Variants in CTNNA3 observed in about 807,000 individuals in gnomAD.
The protein encoded by CTNNA3 is catenin alpha-3.
In CTNNA3, 76 loss-of-function variants were observed where a neutral mutation model predicts 95.7. The ratio of observed to expected loss-of-function variants is 0.79; its 90% CI spans 0.66 to 0.96. The LOEUF (loss-of-function observed/expected upper bound fraction) is 0.96. Among genes scored for constraint, CTNNA3 ranks in the 40% least tolerant of loss-of-function variants. CTNNA3 has a pLI of 0.00. For missense variants in CTNNA3, 1,191 were observed against 1,089.8 expected (o/e 1.09, Z -1.31); for synonymous variants, 431 against 374.4 (o/e 1.15, Z -1.74).
At chr10:66,374,609 T>TTTC (rs1421381481) in intron 12 of CTNNA3, among the ~76,000 whole-genome samples, 5 of 80,462 alleles carry the variant, frequency 6.2e-5, no homozygotes, top group African/African-American at 2.7e-4. Flanking sequence ...GAAAAGCCTT[T>TTTC]TTTTTTTTTT....
At chr10:66,819,106 A>T (rs12251246) in intron 7 of CTNNA3, among the ~76,000 whole-genome samples, 35,474 of 150,400 alleles carry the variant, frequency 0.24, 4,780 homozygotes, top group Non-Finnish European at 0.31. Context: ...AAAAAAAAAA[A>T]AAAAAAAAAG....
At chr10:67,386,801 C>A (rs1280601805) in intron 5 of CTNNA3, among the ~76,000 whole-genome samples, 1 of 152,128 alleles carries the variant, frequency 6.6e-6, no homozygotes, top group African/African-American at 2.4e-5. Flanking sequence ...GATTACATGA[C>A]TGATAATTAC....
chr10:66,828,647 A>G (rs759729844), intron 7 of CTNNA3, among the ~76,000 whole-genome samples: 8 of 152,208 alleles, frequency 5.3e-5, no homozygotes, highest in Non-Finnish European at 1.0e-4. Context: ...GCAAATAAAG[A>G]TACACTTATT....
At chr10:66,998,549 T>A (rs1320037027) in intron 7 of CTNNA3, among the ~76,000 whole-genome samples, 4 of 151,632 alleles carry the variant, frequency 2.6e-5, no homozygotes, top group African/African-American at 9.7e-5. Flanking sequence ...AATAAAAAGA[T>A]GAAGAATGAC....
chr10:66,579,680 A>G lies in CTNNA3; in HGVS notation c.1374+42012T>C, dbSNP rs1843119695. ...AATGTAGGTCTGCTGGTGTCAAATT[A>G]TTTTATTGTTCCTTCATCTCCGAGA... On this transcript the variant is annotated intron_variant, in intron 10 of 17. Transcript: ENST00000433211. Among the ~76,000 whole-genome samples the G allele has an allele frequency of 3.3e-5, 5 of 151,848 alleles. No individual in the cohort carries two copies. In the South Asian group the frequency reaches 1.0e-3, roughly 32 times the overall value.
chr10:66,386,950 A>C (rs2132515781), intron 11 of CTNNA3, among the ~76,000 whole-genome samples: 2 of 152,318 alleles, frequency 1.3e-5, no homozygotes, highest in East Asian at 3.9e-4. Flanking sequence ...TTAATTCAAG[A>C]TGGATTAAAG....
intron 5 of CTNNA3, among the ~76,000 whole-genome samples, chr10:67,228,912 C>A (rs1378737865): frequency 6.6e-6 from 1 of 152,094 alleles, no homozygotes; most frequent in African/African-American, 2.4e-5. Context: ...AGTACCAACC[C>A]TTTTGACACT....
At chr10:67,222,064 T>A (rs1756100817) in intron 5 of CTNNA3, among the ~76,000 whole-genome samples, 1 of 152,160 alleles carries the variant, frequency 6.6e-6, no homozygotes, top group Admixed American at 6.5e-5. Context: ...TTGCTAACCT[T>A]ATGCCTTTTC....
intron 5 of CTNNA3, among the ~76,000 whole-genome samples, chr10:67,428,645 C>G (rs909382324): frequency 6.6e-6 from 1 of 151,994 alleles, no homozygotes; most frequent in African/African-American, 2.4e-5. Flanking sequence ...GATTATTAAT[C>G]CTGGATTTGT....
intron 11 of CTNNA3, among the ~76,000 whole-genome samples, chr10:66,432,662 G>GAAA (rs11424847): frequency 1.3e-3 from 154 of 120,424 alleles, no homozygotes; most frequent in African/African-American, 4.2e-3. Flanking sequence ...CCATCTCACA[G>GAAA]AAAAAAAAAA....
intron 11 of CTNNA3, among the ~76,000 whole-genome samples, chr10:66,439,363 A>T (rs1367109045): frequency 1.3e-5 from 2 of 152,152 alleles, no homozygotes; most frequent in Non-Finnish European, 2.9e-5. Flanking sequence ...TGAAGAACAC[A>T]CATTAAAAAA....
chr10:66,978,552 A>AAAATATATAT, intron 7 of CTNNA3, among the ~76,000 whole-genome samples: 7 of 37,886 alleles, frequency 1.8e-4, no homozygotes, highest in Middle Eastern at 0.02. Context: ...AAAAAAAAAA[A>AAAATATATAT]ATATATATAT....
intron 13 of CTNNA3, among the ~76,000 whole-genome samples, chr10:66,274,623 A>C (rs2091352960): frequency 6.6e-6 from 1 of 152,186 alleles, no homozygotes; most frequent in Non-Finnish European, 1.5e-5. Flanking sequence ...ATTTAAAATT[A>C]GCTATTTTCT....
At chr10:66,227,398 A>G (rs539480552) in intron 13 of CTNNA3, among the ~76,000 whole-genome samples, 60 of 150,276 alleles carry the variant, frequency 4.0e-4, no homozygotes, top group African/African-American at 1.3e-3. Flanking sequence ...TCATGAGGTA[A>G]TGTTGAATTT....
At position 67,729,053 on chromosome 10, in the gene CTNNA3, A is replaced by AT. The variant is rs561975065; in HGVS notation, c.-2+34380dup. ...AAAGCAGGAATTTGAAGGCAGTCTA[A>AT]TTTTTTAAATTACACTTTTAATTTT... On this transcript the variant is annotated intron_variant, in intron 1 of 17. Transcript: ENST00000684154. 9.6e-3 allele frequency among the ~76,000 whole-genome samples: 1,467 copies of AT among 152,250 alleles called. 27 individuals are homozygous for AT. Among genetic ancestry groups the AT allele is most frequent in the African/African-American group, 0.034 (1,395 of 41,548 alleles).
intron 7 of CTNNA3, among the ~76,000 whole-genome samples, chr10:67,042,269 G>C (rs952253648): frequency 1.3e-5 from 2 of 152,106 alleles, no homozygotes; most frequent in Non-Finnish European, 2.9e-5. Context: ...GCATCTCTGT[G>C]ATAGAGAATC....
At chr10:66,846,176 C>A (rs985662701) in intron 7 of CTNNA3, among the ~76,000 whole-genome samples, 2 of 140,224 alleles carry the variant, frequency 1.4e-5, no homozygotes, top group African/African-American at 2.6e-5. Flanking sequence ...ATGAACCTGG[C>A]GGACATTATG....
chr10:66,177,184 CTGACCTCTTTATTT>C (rs1432235838), intron 13 of CTNNA3, among the ~76,000 whole-genome samples: 1 of 151,932 alleles, frequency 6.6e-6, no homozygotes, highest in Non-Finnish European at 1.5e-5. Context: ...TAAGCTTTTC[CTGACCTCTTTATTT>C]TCACTGAAAT....
chr10:67,701,915 A>G (rs1206711996), intron 1 of CTNNA3, among the ~76,000 whole-genome samples: 5 of 152,160 alleles, frequency 3.3e-5, no homozygotes, highest in African/African-American at 1.2e-4. Context: ...GGCTCAAAAT[A>G]AAAGGATGGA....
Sources: gnomAD v4.1 joint callset for allele counts (sites outside exome capture counted in the v4.1 genomes callset) on GRCh38, gnomAD v4.1.1 for gene constraint, MANE v1.5 for transcripts, NCBI Gene and HGNC (gene_info 2026-07-23, HGNC 2026-07-21) for gene names.